The following PRH1 variants were observed in gnomAD, a reference collection of about 807,000 sequenced individuals.
PRH1 encodes the protein proline rich protein HaeIII subfamily 1, also known as salivary acidic proline-rich phosphoprotein 1/2.
A neutral mutation model predicts 7.9 loss-of-function variants in PRH1; 7 were observed. The ratio of observed to expected loss-of-function variants is 0.89; its 90% CI spans 0.50 to 1.67. The LOEUF is 1.67. PRH1 is among the 40% of genes most tolerant of loss of function. The pLI, the probability that PRH1 is intolerant of heterozygous loss-of-function variation, is 0.00. For missense variants in PRH1, 109 were observed against 223.6 expected (o/e 0.49, Z 3.27); for synonymous variants, 45 against 80.8 (o/e 0.56, Z 2.38).
chr12:10,917,920 A>G (rs1237892892), intron 2 of PRH1, among the ~76,000 whole-genome samples: 1 of 152,200 alleles, frequency 6.6e-6, no homozygotes, highest in Non-Finnish European at 1.5e-5. Flanking sequence ...TGCCATGTCA[A>G]GATACAGCTG....
intron 2 of PRH1, among the ~76,000 whole-genome samples, chr12:10,941,886 G>C (rs1950407208): frequency 6.6e-6 from 1 of 152,172 alleles, no homozygotes; most frequent in Non-Finnish European, 1.5e-5. Context: ...GAAGGCTGTT[G>C]TTTAGACTTT....
chr12:11,127,660 T>C (rs1166983301), intron 1 of PRH1, among the ~76,000 whole-genome samples: 1 of 152,258 alleles, frequency 6.6e-6, no homozygotes, highest in East Asian at 1.9e-4. Context: ...TTGGAAAAAT[T>C]ACTGTCCTAT....
chr12:10,964,794 G>T (rs1489498560), intron 2 of PRH1: 4 of 590,502 alleles, frequency 6.8e-6, no homozygotes, highest in Admixed American at 6.6e-5. Flanking sequence ...AGAGTAAAGG[G>T]TATTAAGTTT....
chr12:10,945,083 A>C (rs1421312400), intron 2 of PRH1, among the ~76,000 whole-genome samples: 3 of 152,184 alleles, frequency 2.0e-5, no homozygotes, highest in Admixed American at 2.0e-4. Context: ...ACAATGAATT[A>C]AAGAGAAGTC....
At chr12:11,058,130 CAATG>C (rs1943441163) in intron 1 of PRH1, among the ~76,000 whole-genome samples, 1 of 130,358 alleles carries the variant, frequency 7.7e-6, no homozygotes, top group African/African-American at 2.8e-5. Context: ...CAGCTGCTAG[CAATG>C]CTGAGGAGGG....
chr12:11,011,333 G>A (rs1289356477), intron 1 of PRH1, among the ~76,000 whole-genome samples: 1 of 152,044 alleles, frequency 6.6e-6, no homozygotes, highest in Non-Finnish European at 1.5e-5. Flanking sequence ...ACCAGGGTGT[G>A]CTAATGGATG....
intron 1 of PRH1, among the ~76,000 whole-genome samples, chr12:11,114,882 A>T (rs1478153389): frequency 6.6e-6 from 1 of 152,196 alleles, no homozygotes; most frequent in Non-Finnish European, 1.5e-5. Flanking sequence ...ATCTCAAACC[A>T]AAAAGCATAG....
chr12:11,016,553 G>A (rs1200223949), intron 1 of PRH1, among the ~76,000 whole-genome samples: 1 of 152,058 alleles, frequency 6.6e-6, no homozygotes, highest in East Asian at 1.9e-4. Context: ...GTAGCCCAAG[G>A]TGGTCTGCAA....
At chr12:10,934,927 T>C (rs1246272121) in intron 2 of PRH1, among the ~76,000 whole-genome samples, 2 of 152,192 alleles carry the variant, frequency 1.3e-5, no homozygotes, top group East Asian at 3.8e-4. Flanking sequence ...TAAAATTCAA[T>C]GGATAGAAGT....
intron 2 of PRH1, among the ~76,000 whole-genome samples, chr12:10,945,857 G>A (rs906129436): frequency 1.3e-5 from 2 of 152,164 alleles, no homozygotes; most frequent in African/African-American, 4.8e-5. Flanking sequence ...CTTTCTCAGG[G>A]ATGTTCCTTG....
chr12:11,072,623 T>C (rs1219384495), intron 1 of PRH1, among the ~76,000 whole-genome samples: 1 of 152,238 alleles, frequency 6.6e-6, no homozygotes, highest in East Asian at 1.9e-4. Flanking sequence ...CCTCTCCACT[T>C]AACCTAAATG....
intron 1 of PRH1, among the ~76,000 whole-genome samples, chr12:11,079,929 A>G (rs113229025): frequency 0.1 from 6,912 of 68,998 alleles, 272 homozygotes; most frequent in East Asian, 0.17. Flanking sequence ...AATAATTTTT[A>G]TATTATAACT....
intron 1 of PRH1, chr12:11,091,710 A>G (rs113441874): frequency 0.034 from 33,152 of 962,424 alleles, 12,768 homozygotes; most frequent in Admixed American, 0.079. Context: ...ATATTTGAAA[A>G]GTACATTGCA....
intron 2 of PRH1, among the ~76,000 whole-genome samples, chr12:10,958,226 C>T (rs1938071567): frequency 1.3e-5 from 2 of 152,038 alleles, no homozygotes; most frequent in East Asian, 3.8e-4. Context: ...GAATACTATG[C>T]AGTCATTAGA....
intron 2 of PRH1, among the ~76,000 whole-genome samples, chr12:10,889,641 A>G (rs1426150195): frequency 6.6e-6 from 1 of 152,194 alleles, no homozygotes; most frequent in African/African-American, 2.4e-5. Flanking sequence ...CTCAGAATGC[A>G]TGAATAGTAC....
intron 1 of PRH1, chr12:11,092,296 G>T: frequency 9.2e-7 from 1 of 1,087,920 alleles, no homozygotes; most frequent in South Asian, 1.3e-5. Flanking sequence ...CCTGCAGGTG[G>T]GTTCGTGGTC....
chr12:11,045,708 A>T (rs1465857584), intron 1 of PRH1, among the ~76,000 whole-genome samples: 1 of 152,192 alleles, frequency 6.6e-6, no homozygotes, highest in East Asian at 1.9e-4. Context: ...ACAAATTATG[A>T]AAAACTCCAC....
intron 1 of PRH1, among the ~76,000 whole-genome samples, chr12:11,007,307 A>G (rs1225829259): frequency 6.6e-6 from 1 of 152,066 alleles, no homozygotes; most frequent in Non-Finnish European, 1.5e-5. Context: ...ACAAAAACAC[A>G]CACTTAAACC....
chr12:11,073,232 A>G lies in PRH1; in HGVS notation n.124-26044T>C, dbSNP rs141992414. Among the ~76,000 whole-genome samples the G allele has an allele frequency of 1.5e-4, 18 of 122,312 alleles. 2 individuals carry two copies. The East Asian group carries it at 3.5e-3, about 24-fold the overall frequency. The allele number at this position is 122,312 out of a possible 152,430, so 80.2% of individuals were successfully genotyped here. A position where few individuals can be genotyped will look rare whatever the true frequency, so the allele number is the denominator to read the frequency against. On this transcript the variant is annotated intron_variant and non_coding_transcript_variant, in intron 1 of 4. Transcript: ENST00000541977. ...CTGCAAACTTCGCCTCCTGGGTTCA[A>G]TCAGTTCAAATCCTTCAGCCTCCTT...
Sources: gnomAD v4.1 joint callset for allele counts (sites outside exome capture counted in the v4.1 genomes callset) on GRCh38, gnomAD v4.1.1 for gene constraint, MANE v1.5 for transcripts, NCBI Gene and HGNC (gene_info 2026-07-23, HGNC 2026-07-21) for gene names.